Variants in LRFN2 observed in about 807,000 individuals in gnomAD.
LRFN2 encodes leucine rich repeat and fibronectin type III domain containing 2.
Under a neutral mutation model 37.3 loss-of-function variants are expected in LRFN2, and 18 were observed. The observed-to-expected ratio is 0.48, with a 90% CI of 0.33 to 0.72. LRFN2 has a LOEUF of 0.72. Ranked by LOEUF, LRFN2 falls within the 30% of genes least tolerant of loss-of-function variation. The pLI is 0.02. For missense variants in LRFN2, 1,006 were observed against 1,060.7 expected (o/e 0.95, Z 0.72); for synonymous variants, 556 against 466.6 (o/e 1.19, Z -2.47).
intron 1 of LRFN2, among the ~76,000 whole-genome samples, chr6:40,510,728 C>G (rs1204409638): frequency 6.6e-6 from 1 of 152,204 alleles, no homozygotes; most frequent in Non-Finnish European, 1.5e-5. Context: ...GCCGAGGAGA[C>G]AGGGATGCTG....
intron 1 of LRFN2, among the ~76,000 whole-genome samples, chr6:40,525,444 C>CTGTA (rs1487736041): frequency 6.6e-6 from 1 of 152,188 alleles, no homozygotes; most frequent in African/African-American, 2.4e-5. Context: ...TGTGCCTGAT[C>CTGTA]TGTAAGTGTC....
chr6:40,414,668 G>C (rs779353878), intron 2 of LRFN2, among the ~76,000 whole-genome samples: 12 of 152,030 alleles, frequency 7.9e-5, no homozygotes, highest in Admixed American at 5.9e-4. Context: ...ATATAAAATC[G>C]GACACGCAAA....
chr6:40,437,672 C>G (rs140290167), intron 1 of LRFN2, among the ~76,000 whole-genome samples: 1 of 152,198 alleles, frequency 6.6e-6, no homozygotes, highest in Non-Finnish European at 1.5e-5. Flanking sequence ...TTCTAACAGC[C>G]AAACAAAAGG....
At chr6:40,575,647 A>C (rs936378639) in intron 1 of LRFN2, among the ~76,000 whole-genome samples, 6 of 152,178 alleles carry the variant, frequency 3.9e-5, no homozygotes, top group African/African-American at 1.4e-4. Flanking sequence ...ATAAAGAAAC[A>C]GAAGTCATGT....
chr6:40,392,027 C>T lies in LRFN2; in HGVS notation c.2286G>A (p.Met762Ile). Residue 762 changes from methionine (M) to isoleucine (I), a missense_variant, in exon 3 of 3, where the codon ATG (methionine) becomes ATA (isoleucine). Met to Ile is a conservative substitution (Grantham distance 10, BLOSUM62 1). This residue lies in a region of LRFN2 where 398 missense variants were observed against 327.6 expected (regional missense o/e 1.21). Coordinates refer to ENST00000338305, the MANE Select transcript of LRFN2 (RefSeq NM_020737.3). The surrounding 1 kb of genome is among the most constrained non-coding windows in gnomAD (Gnocchi z 4.7). Reference sequence around the variant, plus strand: ...GGTCACTCTCCTCAAAGGGCAAGAGCATGCCGTTGACAGAGAGGCTGCGCT... The same window carrying T: ...GGTCACTCTCCTCAAAGGGCAAGAGTATGCCGTTGACAGAGAGGCTGCGCT... ...WTKRSLSVNG[M>I]LLPFEESDLV... The T allele has an allele frequency of 6.2e-7, 1 of 1,613,732 alleles. No individual in the cohort carries two copies. The highest frequency in any genetic ancestry group is 1.1e-5 in the South Asian group (1 of 90,968).
intron 1 of LRFN2, among the ~76,000 whole-genome samples, chr6:40,507,036 C>T (rs1581759850): frequency 6.6e-6 from 1 of 152,226 alleles, no homozygotes; most frequent in East Asian, 1.9e-4. Context: ...GAAAGCATGG[C>T]AATGATGTCA....
At chr6:40,529,686 A>G (rs1464244923) in intron 1 of LRFN2, among the ~76,000 whole-genome samples, 1 of 152,186 alleles carries the variant, frequency 6.6e-6, no homozygotes, top group African/African-American at 2.4e-5. Flanking sequence ...TCTGGGTTCA[A>G]ATCCCAGCTC....
intron 1 of LRFN2, among the ~76,000 whole-genome samples, chr6:40,457,894 T>A (rs1290850521): frequency 6.6e-6 from 1 of 152,166 alleles, no homozygotes; most frequent in Non-Finnish European, 1.5e-5. Context: ...GATATGATCA[T>A]CCAGCCCCTT....
intron 1 of LRFN2, among the ~76,000 whole-genome samples, chr6:40,472,687 G>A (rs1369985452): frequency 6.6e-6 from 1 of 152,144 alleles, no homozygotes; most frequent in East Asian, 1.9e-4. Flanking sequence ...TCCTACGGGA[G>A]CCCTGGATGT....
At chr6:40,534,708 T>G (rs1184025011) in intron 1 of LRFN2, among the ~76,000 whole-genome samples, 1 of 152,148 alleles carries the variant, frequency 6.6e-6, no homozygotes, top group Non-Finnish European at 1.5e-5. Flanking sequence ...TGGCGCTCAT[T>G]CCTCACCTTC....
chr6:40,416,375 TA>T (rs1192245313), intron 2 of LRFN2, among the ~76,000 whole-genome samples: 1 of 147,112 alleles, frequency 6.8e-6, no homozygotes, highest in African/African-American at 2.5e-5. Flanking sequence ...TCTGGCAATT[TA>T]TTCCTGCATG....
At chr6:40,540,219 T>C (rs1207158582) in intron 1 of LRFN2, among the ~76,000 whole-genome samples, 1 of 152,172 alleles carries the variant, frequency 6.6e-6, no homozygotes, top group Non-Finnish European at 1.5e-5. Context: ...CTACTCAAAG[T>C]GTCACTGCAA....
chr6:40,556,446 A>G (rs1766879908), intron 1 of LRFN2, among the ~76,000 whole-genome samples: 1 of 152,142 alleles, frequency 6.6e-6, no homozygotes, highest in South Asian at 2.1e-4. Context: ...GCACTTCTGA[A>G]AGGACAGAGG....
chr6:40,470,131 C>T (rs1290790862), intron 1 of LRFN2, among the ~76,000 whole-genome samples: 1 of 152,200 alleles, frequency 6.6e-6, no homozygotes, highest in Non-Finnish European at 1.5e-5. Flanking sequence ...CACACATCTC[C>T]CCATCCTGCC....
chr6:40,457,637 TAAAAAAAAAA>T (rs70984171), intron 1 of LRFN2, among the ~76,000 whole-genome samples: 4 of 101,422 alleles, frequency 3.9e-5, no homozygotes, highest in South Asian at 3.7e-4. Flanking sequence ...AGACCCTGTT[TAAAAAAAAAA>T]AAAAAAAAAA....
chr6:40,476,618 T>A (rs7772544), intron 1 of LRFN2, among the ~76,000 whole-genome samples: 3 of 152,272 alleles, frequency 2.0e-5, no homozygotes, highest in Admixed American at 2.0e-4. Context: ...CTCAACACTC[T>A]TGGTCTCTAG....
intron 2 of LRFN2, among the ~76,000 whole-genome samples, chr6:40,420,485 C>G (rs868511585): frequency 7.9e-5 from 12 of 152,354 alleles, no homozygotes; most frequent in African/African-American, 2.4e-4. Context: ...AGCTTCCCCC[C>G]CAGGCTGGCC....
At chr6:40,494,028 G>C (rs1765162402) in intron 1 of LRFN2, among the ~76,000 whole-genome samples, 1 of 152,230 alleles carries the variant, frequency 6.6e-6, no homozygotes, top group Non-Finnish European at 1.5e-5. Context: ...CCTAGGGACA[G>C]TCAGAGAGGA....
At chr6:40,407,357 T>A (rs1439241296) in intron 2 of LRFN2, among the ~76,000 whole-genome samples, 1 of 151,668 alleles carries the variant, frequency 6.6e-6, no homozygotes, top group East Asian at 1.9e-4. Context: ...TGAAGGCTAG[T>A]TCTGCCCCCG....
Sources: gnomAD v4.1 joint callset for allele counts (sites outside exome capture counted in the v4.1 genomes callset) on GRCh38, gnomAD v4.1.1 for gene constraint, gnomAD v4.1.1 regional missense constraint, Gnocchi (gnomAD v3.1) non-coding constraint, MANE v1.5 for transcripts, NCBI Gene and HGNC (gene_info 2026-07-23, HGNC 2026-07-21) for gene names.